Variants in PDE8A observed in about 807,000 individuals in gnomAD.
The protein encoded by PDE8A is phosphodiesterase 8A.
PDE8A carries 59 observed loss-of-function variants against 105.0 expected under a neutral mutation model. That is an observed-to-expected ratio of 0.56 (90% CI 0.46 to 0.70). The LOEUF (loss-of-function observed/expected upper bound fraction) is 0.70. Ranked by LOEUF, PDE8A falls within the 30% of genes least tolerant of loss-of-function variation. The probability of loss-of-function intolerance (pLI) is 0.00; values close to 1 mark genes in which losing one functional copy is unlikely to be tolerated. For missense variants in PDE8A, 1,014 were observed against 1,045.9 expected (o/e 0.97, Z 0.42); for synonymous variants, 355 against 371.9 (o/e 0.95, Z 0.52).
At chr15:85,066,866 G>A in intron 2 of PDE8A, 148 bp from the exon 3 acceptor site, 1 of 559,856 alleles carries the variant, frequency 1.8e-6, no homozygotes. Context: ...TTGAACCTGG[G>A]AGGCAGAGGT....
chr15:85,092,663 G>T (rs1370990559), intron 8 of PDE8A, among the ~76,000 whole-genome samples: 1 of 152,080 alleles, frequency 6.6e-6, no homozygotes, highest in Non-Finnish European at 1.5e-5. Context: ...CCTTGATGTG[G>T]CAGAACTTCC....
intron 1 of PDE8A, among the ~76,000 whole-genome samples, chr15:85,042,197 G>T (rs1163291005): frequency 6.6e-6 from 1 of 151,846 alleles, no homozygotes; most frequent in Non-Finnish European, 1.5e-5. Flanking sequence ...GTTTTGAGGG[G>T]ACAGGGTCTT....
chr15:85,013,792 T>C (rs967969988), intron 1 of PDE8A, among the ~76,000 whole-genome samples: 12 of 152,230 alleles, frequency 7.9e-5, no homozygotes, highest in African/African-American at 2.9e-4. Flanking sequence ...GCTGGGTCTT[T>C]GGTCATCCAA....
At chr15:85,121,550 G>C (rs2141623552) in intron 18 of PDE8A, among the ~76,000 whole-genome samples, 1 of 152,136 alleles carries the variant, frequency 6.6e-6, no homozygotes, top group African/African-American at 2.4e-5. Flanking sequence ...GCTCTGTAAG[G>C]TCACAAGGGT....
In PDE8A at chr15:85,123,337, T is replaced by TACACACACAC. The variant is rs58421452; in HGVS notation, c.2085+184_2085+193dup. The TACACACACAC allele has an allele frequency of 3.2e-3, 1,044 of 330,308 alleles. 8 individuals carry two copies. Among genetic ancestry groups the TACACACACAC allele is most frequent in the African/African-American group, 8.7e-3 (346 of 39,940 alleles). The allele number at this position is 330,308 out of a possible 1,614,324, so 20.5% of individuals were successfully genotyped here. A position where few individuals can be genotyped will look rare whatever the true frequency, so the allele number is the denominator to read the frequency against. The stretch of plus-strand genomic sequence containing the variant: ...TCTTACAGGGACAGAACTAATGGGA[T>TACACACACAC]ACACACACACACACACACACACACA... On this transcript the variant is annotated intron_variant, in intron 19 of 21. Coordinates refer to ENST00000394553, the MANE Select transcript of PDE8A (RefSeq NM_002605.3).
In PDE8A at chr15:85,099,962, T is replaced by A. The variant is rs181645880; in HGVS notation, c.942-53T>A. On this transcript the variant is annotated intron_variant, in intron 9 of 21. Transcript: ENST00000394553. ...TTCGTAATGAAAAATTAACGACATATCCATCAAATTAGAGACTCAGAAGAG... is the reference window on the plus strand; with the variant it reads ...TTCGTAATGAAAAATTAACGACATAACCATCAAATTAGAGACTCAGAAGAG... 4,034 of 1,406,856 alleles carry A rather than the reference T, an allele frequency of 2.9e-3. 13 individuals are homozygous for A. Among genetic ancestry groups the A allele is most frequent in the Non-Finnish European group, 3.6e-3 (3,624 of 1,006,230 alleles). 87.1% of individuals were successfully genotyped at this position (1,406,856 alleles called of 1,614,324 possible). A position where few individuals can be genotyped will look rare whatever the true frequency, so the allele number is the denominator to read the frequency against.
intron 8 of PDE8A, among the ~76,000 whole-genome samples, chr15:85,092,510 G>A (rs1232757818): frequency 6.6e-6 from 1 of 152,070 alleles, no homozygotes; most frequent in Admixed American, 6.5e-5. Context: ...CAGAGCAGCA[G>A]TCATCCGAGA....
In PDE8A at chr15:84,997,940, A is replaced by C. The variant is rs187752012; in HGVS notation, c.186+15592A>C. ...AGGTTTAAGATGGGTACAATTTTAT[A>C]AGGCTTTGTGCACAAAGACTTGGAT... On this transcript the variant is annotated intron_variant, in intron 1 of 21. Coordinates refer to ENST00000394553, the MANE Select transcript of PDE8A (RefSeq NM_002605.3). Among the ~76,000 whole-genome samples, 372 of 152,326 alleles carry C rather than the reference A, an allele frequency of 2.4e-3. 2 individuals carry two copies. Among genetic ancestry groups the C allele is most frequent in the Non-Finnish European group, 1.5e-3 (104 of 68,026 alleles).
At chr15:85,075,831 ATTTAT>A in intron 3 of PDE8A, 26 bp from the exon 4 acceptor site, 2 of 1,233,896 alleles carry the variant, frequency 1.6e-6, no homozygotes, top group African/African-American at 1.5e-5. Flanking sequence ...TTATTTTTAT[ATTTAT>A]TTTAAAGTTT....
intron 15 of PDE8A, 192 bp from the exon 16 acceptor site, chr15:85,115,792 G>A (rs1310793478): frequency 3.6e-6 from 2 of 562,340 alleles, no homozygotes; most frequent in South Asian, 2.3e-5. Context: ...ATGGTGGCAG[G>A]TGCCTGTAAT....
chr15:85,064,762 T>C (rs2081195657), intron 2 of PDE8A, among the ~76,000 whole-genome samples: 1 of 152,066 alleles, frequency 6.6e-6, no homozygotes. Context: ...CTTGAGGAGT[T>C]TGAAACCAGC....
chr15:85,009,720 G>A (rs2080210230), intron 1 of PDE8A, among the ~76,000 whole-genome samples: 1 of 152,200 alleles, frequency 6.6e-6, no homozygotes, highest in Non-Finnish European at 1.5e-5. Flanking sequence ...TTGGAAAACT[G>A]TTGGCAATAT....
chr15:84,980,917 G>A (rs1315938862), upstream of PDE8A, among the ~76,000 whole-genome samples: 4 of 152,350 alleles, frequency 2.6e-5, no homozygotes, highest in East Asian at 7.7e-4. Flanking sequence ...GGCGTGGCGC[G>A]CCAGGTTTTG....
At chr15:85,061,814 C>T (rs1057433465) in intron 1 of PDE8A, among the ~76,000 whole-genome samples, 8 of 152,068 alleles carry the variant, frequency 5.3e-5, no homozygotes, top group African/African-American at 1.7e-4. Flanking sequence ...TTCCCAGACT[C>T]GATAATTTCA....
chr15:85,122,809 A>T (rs2082202032), intron 18 of PDE8A, among the ~76,000 whole-genome samples: 1 of 152,198 alleles, frequency 6.6e-6, no homozygotes, highest in Non-Finnish European at 1.5e-5. Flanking sequence ...ATCTTCATTG[A>T]CAAGATAAAC....
chr15:85,121,227 G>A (rs1303758595), intron 18 of PDE8A, among the ~76,000 whole-genome samples: 1 of 151,854 alleles, frequency 6.6e-6, no homozygotes, highest in African/African-American at 2.4e-5. Flanking sequence ...ACCAGCCTGG[G>A]CAACGTAGGG....
chr15:85,137,454 G>A (rs992176668), intron 21 of PDE8A, among the ~76,000 whole-genome samples: 10 of 151,886 alleles, frequency 6.6e-5, no homozygotes, highest in African/African-American at 9.7e-5. Flanking sequence ...CCAGGCCATC[G>A]GTTGGGGCGG....
chr15:85,128,052 CAAAAAAAA>C (rs61221393), intron 20 of PDE8A, among the ~76,000 whole-genome samples: 3 of 57,236 alleles, frequency 5.2e-5, no homozygotes, highest in East Asian at 6.1e-4. Flanking sequence ...TATTCCTATG[CAAAAAAAA>C]AAAAAAAAAA....
chr15:85,126,085 T>G (rs934773556), intron 19 of PDE8A, 122 bp from the exon 20 acceptor site: 28 of 607,250 alleles, frequency 4.6e-5, no homozygotes, highest in Non-Finnish European at 7.6e-5. Flanking sequence ...GGCACTGTTT[T>G]GTGAGATCCT....
Sources: gnomAD v4.1 joint callset for allele counts (sites outside exome capture counted in the v4.1 genomes callset) on GRCh38, gnomAD v4.1.1 for gene constraint, MANE v1.5 for transcripts, NCBI Gene and HGNC (gene_info 2026-07-23, HGNC 2026-07-21) for gene names.